The following ARHGAP5 variants were observed in gnomAD, a reference collection of about 807,000 sequenced individuals.
ARHGAP5 encodes the protein Rho GTPase activating protein 5, also known as rho GTPase-activating protein 5.
ARHGAP5 carries 23 observed loss-of-function variants against 116.6 expected under a neutral mutation model. The observed-to-expected ratio is 0.20, with a 90% CI of 0.14 to 0.28. The LOEUF (loss-of-function observed/expected upper bound fraction) is 0.28, where lower values mean the gene tolerates loss of function less well. Ranked by LOEUF, ARHGAP5 falls within the 10% of genes least tolerant of loss-of-function variation. ARHGAP5 has a pLI of 1.00. For synonymous variants in ARHGAP5, 574 were observed against 602.0 expected (o/e 0.95, Z 0.68); for missense variants, 1,405 against 1,774.8 (o/e 0.79, Z 3.74).
chr14:32,085,399 A>G (rs2041818791), intron 1 of ARHGAP5, among the ~76,000 whole-genome samples: 4 of 152,322 alleles, frequency 2.6e-5, no homozygotes, highest in South Asian at 2.1e-4. Context: ...GCAGTGAGCT[A>G]TGATCATGCC....
At chr14:32,134,487 T>C (rs1362493795) in intron 3 of ARHGAP5, among the ~76,000 whole-genome samples, 1 of 152,192 alleles carries the variant, frequency 6.6e-6, no homozygotes, top group East Asian at 1.9e-4. Context: ...TATCAGCTTT[T>C]TAGCATGTGA....
At chr14:32,141,070 C>T (rs777005960) in intron 3 of ARHGAP5, among the ~76,000 whole-genome samples, 1 of 152,148 alleles carries the variant, frequency 6.6e-6, no homozygotes, top group Admixed American at 6.5e-5. Context: ...TCCTTCTATG[C>T]TCTTGTAACA....
Position 32,158,419 on chromosome 14 carries a change from A to G in ARHGAP5, c.*3471A>G, listed in dbSNP as rs912373927. 6.6e-6 allele frequency: 1 copy of G among 151,962 alleles called. No individual in the cohort carries two copies. Among genetic ancestry groups the G allele is most frequent in the Admixed American group, 6.6e-5 (1 of 15,256 alleles). The allele number at this position is 151,962 out of a possible 1,614,324, so 9.4% of individuals were successfully genotyped here. A position where few individuals can be genotyped will look rare whatever the true frequency, so the allele number is the denominator to read the frequency against. On this transcript the variant is annotated 3_prime_UTR_variant, in exon 7 of 7. Transcript: ENST00000345122. ...TGGATGTGATTTTTGAGCTGTGGCTAGACATTCTTTAGAGCCACTGGAAAT... is the reference window on the plus strand; with the variant it reads ...TGGATGTGATTTTTGAGCTGTGGCTGGACATTCTTTAGAGCCACTGGAAAT...
chr14:32,122,221 GT>G (rs1398538324), intron 3 of ARHGAP5, among the ~76,000 whole-genome samples: 1 of 152,146 alleles, frequency 6.6e-6, no homozygotes, highest in African/African-American at 2.4e-5. Context: ...AAGTGGTAAT[GT>G]GAAATGTATC....
rs756154122 is a variant in ARHGAP5, at chr14:32,080,785, T to C, written c.-169+3350T>C. Among the ~76,000 whole-genome samples the C allele has an allele frequency of 1.3e-3, 193 of 151,634 alleles. 1 individual carries two copies. The highest frequency in any genetic ancestry group is 2.1e-3 in the Non-Finnish European group (145 of 67,918). On this transcript the variant is annotated intron_variant, in intron 1 of 6. Transcript: ENST00000345122. The stretch of plus-strand genomic sequence containing the variant: ...AGACCAAAAAGGATAATTTTTTTTT[T>C]CCCCCCACTGTGTTTTGGAAGCTGT...
intron 5 of ARHGAP5, among the ~76,000 whole-genome samples, chr14:32,150,687 G>A (rs545740187): frequency 1.3e-5 from 2 of 152,302 alleles, no homozygotes; most frequent in South Asian, 4.1e-4. Flanking sequence ...TCATGATATA[G>A]TCACCTCTTA....
chr14:32,146,107 T>G (rs1482796141), intron 3 of ARHGAP5, among the ~76,000 whole-genome samples, 156 bp from the exon 4 acceptor site: 2 of 152,148 alleles, frequency 1.3e-5, no homozygotes, highest in Non-Finnish European at 2.9e-5. Flanking sequence ...AGACAGAGTC[T>G]CCCTGTGTTG....
At chr14:32,141,662 C>T (rs955850966) in intron 3 of ARHGAP5, among the ~76,000 whole-genome samples, 3 of 152,130 alleles carry the variant, frequency 2.0e-5, no homozygotes, top group Admixed American at 6.6e-5. Context: ...ACTTCCTTAA[C>T]TCTCTTTACC....
chr14:32,132,341 G>C (rs1594381640), intron 3 of ARHGAP5, among the ~76,000 whole-genome samples: 1 of 152,158 alleles, frequency 6.6e-6, no homozygotes, highest in East Asian at 1.9e-4. Flanking sequence ...GCCAGTGATA[G>C]TGAGCATTTT....
chr14:32,097,051 T>G (rs1295197628), intron 2 of ARHGAP5, among the ~76,000 whole-genome samples: 1 of 152,182 alleles, frequency 6.6e-6, no homozygotes, highest in Non-Finnish European at 1.5e-5. Context: ...ACAATCATTG[T>G]TTAGAGTGAG....
chr14:32,092,411 A>G lies in ARHGAP5; in HGVS notation c.1742A>G (p.His581Arg), dbSNP rs1160553525. 6.2e-7 allele frequency: 1 copy of G among 1,613,594 alleles called. No homozygotes were observed. Among genetic ancestry groups the G allele is most frequent in the Non-Finnish European group, 8.5e-7 (1 of 1,179,762 alleles). Residue 581 changes from histidine to arginine, a missense_variant, in exon 2 of 7, where the codon CAT becomes CGT. By Grantham distance (29) the His-to-Arg change is conservative (BLOSUM62 0). Transcript: ENST00000345122. The surrounding 1 kb of genome is among the most constrained non-coding windows in gnomAD (Gnocchi z 4.1). ...GCTAGTAGTCTTTTACAGTTGGATC[A>G]TGGCCGCTTAAGATTATATCACGAT... ...LLASSLLQLD[H>R]GRLRLYHDST...
intron 1 of ARHGAP5, among the ~76,000 whole-genome samples, chr14:32,079,219 G>T (rs1481972684): frequency 6.6e-6 from 1 of 152,156 alleles, no homozygotes; most frequent in African/African-American, 2.4e-5. Context: ...CTATTGATTT[G>T]GTTGTCTTGT....
intron 2 of ARHGAP5, among the ~76,000 whole-genome samples, chr14:32,109,900 C>A (rs1879201737): frequency 6.6e-6 from 1 of 151,002 alleles, no homozygotes; most frequent in South Asian, 2.1e-4. Context: ...CTTTTTTTTT[C>A]CCCCCACTGT....
At chr14:32,109,296 GAAA>G (rs1375049113) in intron 2 of ARHGAP5, among the ~76,000 whole-genome samples, 1 of 150,996 alleles carries the variant, frequency 6.6e-6, no homozygotes, top group Non-Finnish European at 1.5e-5. Flanking sequence ...CATTAGCAAA[GAAA>G]AAAAGAAAAA....
chr14:32,106,562 G>C (rs1158839349), intron 2 of ARHGAP5, among the ~76,000 whole-genome samples: 1 of 152,028 alleles, frequency 6.6e-6, no homozygotes, highest in East Asian at 1.9e-4. Flanking sequence ...TATTTATGTT[G>C]CTTTCTGGGG....
Position 32,091,784 on chromosome 14 carries a change from C to G in ARHGAP5, c.1115C>G (p.Ala372Gly). 6.2e-7 allele frequency: 1 copy of G among 1,613,482 alleles called. No individual in the cohort carries two copies. The highest frequency in any genetic ancestry group is 8.5e-7 in the Non-Finnish European group (1 of 1,179,618). ...GCTTTGAAGTTAATGGAAAAGAGAG[C>G]AGATTTCCAGTTATGTTTTGTGGTG... is the stretch of plus-strand genomic sequence containing the variant. Reference protein sequence around the residue: ...SEALKLMEKRADFQLCFVVLE... With the variant: ...SEALKLMEKRGDFQLCFVVLE... The change falls in exon 2 of 7, where the codon GCA (alanine) becomes GGA (glycine). Residue 372 changes from alanine (A) to glycine (G), a missense_variant. By Grantham distance (60) the Ala-to-Gly change is moderately conservative. This residue lies in a region of ARHGAP5 where 944 missense variants were observed against 1,095.3 expected (regional missense o/e 0.86). Transcript: ENST00000345122.
intron 2 of ARHGAP5, among the ~76,000 whole-genome samples, chr14:32,099,433 G>T (rs1044407725): frequency 6.6e-5 from 10 of 152,294 alleles, no homozygotes; most frequent in Admixed American, 6.5e-4. Context: ...GGATCTGTCA[G>T]TGTGGAATGG....
chr14:32,152,868 C>A (rs1881706210), intron 6 of ARHGAP5, among the ~76,000 whole-genome samples: 1 of 151,992 alleles, frequency 6.6e-6, no homozygotes, highest in Non-Finnish European at 1.5e-5. Context: ...GTTCTGTGAC[C>A]TTGGGTAAAT....
rs142813795 is a variant in ARHGAP5, at chr14:32,141,099, A to G, written c.3866-5164A>G. Among the ~76,000 whole-genome samples the G allele has an allele frequency of 2.5e-3, 375 of 152,026 alleles. 3 individuals are homozygous for G. The highest frequency in any genetic ancestry group is 8.7e-3 in the African/African-American group (359 of 41,476). On this transcript the variant is annotated intron_variant, in intron 3 of 6. Coordinates refer to ENST00000345122, the MANE Select transcript of ARHGAP5 (RefSeq NM_001030055.2). ...TGTAACAGTTTTTGTCTTAAAGTCT[A>G]TTTTTTCTGATACTAGGATAGCTAC...
Sources: allele counts gnomAD v4.1 joint callset (sites outside exome capture counted in the v4.1 genomes callset), GRCh38; gene constraint gnomAD v4.1.1; regional missense constraint gnomAD v4.1.1; non-coding constraint Gnocchi (gnomAD v3.1); transcripts MANE v1.5; gene names NCBI Gene and HGNC (gene_info 2026-07-23, HGNC 2026-07-21).